CNOT6: variants seen among roughly 807,000 people sequenced by gnomAD.
The protein encoded by CNOT6 is carbon catabolite repression 4 protein.
A neutral mutation model predicts 61.2 loss-of-function variants in CNOT6; 12 were observed. The ratio of observed to expected loss-of-function variants is 0.20; its 90% CI spans 0.13 to 0.32. CNOT6 has a LOEUF of 0.32. Ranked by LOEUF, CNOT6 falls within the 10% of genes least tolerant of loss-of-function variation. CNOT6 has a pLI of 1.00. For missense variants in CNOT6, 405 were observed against 663.9 expected (o/e 0.61, Z 4.28); for synonymous variants, 225 against 240.6 (o/e 0.94, Z 0.60).
At position 180,549,804 on chromosome 5, in the gene CNOT6, C is replaced by T. The variant is rs1759505896; in HGVS notation, c.113-127C>T. The T allele has an allele frequency of 1.1e-5, 7 of 653,528 alleles. No homozygotes were observed. The Admixed American group carries it at 1.9e-4, about 17-fold the overall frequency. The allele number at this position is 653,528 out of a possible 1,614,324, so 40.5% of individuals were successfully genotyped here. On this transcript the variant is annotated intron_variant, in intron 2 of 11. Coordinates refer to ENST00000261951, the MANE Select transcript of CNOT6 (RefSeq NM_001370472.1). ...TAGAATAGGTAAGATTTCCTGTTAA[C>T]CCCTTCTCACAAGTTTTTGGATAAT... is the stretch of plus-strand genomic sequence containing the variant.
chr5:180,576,161 G>C lies in CNOT6; in HGVS notation c.*1961G>C, dbSNP rs1760995427. On this transcript the variant is annotated 3_prime_UTR_variant, in exon 12 of 12. Transcript: ENST00000261951. ...TTTGTTATTGGTTTTTTTTTGTAAA[G>C]TGTGAATAAAAGGTATGTTTACTCA... The C allele has an allele frequency of 6.6e-6, 1 of 152,416 alleles. No individual in the cohort carries two copies. The highest frequency in any genetic ancestry group is 2.4e-5 in the African/African-American group (1 of 41,396). 9.4% of individuals were successfully genotyped at this position (152,416 alleles called of 1,614,324 possible).
At chr5:180,545,063 T>G (rs1469806997) in intron 2 of CNOT6, among the ~76,000 whole-genome samples, 3 of 152,260 alleles carry the variant, frequency 2.0e-5, no homozygotes, top group South Asian at 4.1e-4. Context: ...AATAAAATTT[T>G]GTTCTACAAA....
rs1042940569 is a variant in CNOT6 at position 180,553,475 on chromosome 5, T to A, written c.385+4T>A. The A allele has an allele frequency of 6.2e-7, 1 of 1,607,008 alleles. No homozygotes were observed. Among genetic ancestry groups the A allele is most frequent in the Non-Finnish European group, 8.5e-7 (1 of 1,173,908 alleles). On this transcript the variant is annotated splice_donor_region_variant and intron_variant, in intron 4 of 11. Transcript: ENST00000261951. ...TTGCAGACTTTAGGCCTGAAAGGTA[T>A]GACTTCCATATTTGTACTTCTTATG...
intron 1 of CNOT6, among the ~76,000 whole-genome samples, chr5:180,504,856 A>C (rs1757049086): frequency 6.6e-6 from 1 of 152,106 alleles, no homozygotes. Flanking sequence ...ACTGTTAAAG[A>C]GTTCATAAAT....
chr5:180,529,395 C>CAAG lies in CNOT6; in HGVS notation c.112+8_112+9insAGA. 1 of 1,520,294 alleles carries CAAG rather than the reference C, an allele frequency of 6.6e-7. No individual in the cohort carries two copies. The highest frequency in any genetic ancestry group is 9.1e-7 in the Non-Finnish European group (1 of 1,096,612). The allele number at this position is 1,520,294 out of a possible 1,614,324, so 94.2% of individuals were successfully genotyped here. A position where few individuals can be genotyped will look rare whatever the true frequency, so the allele number is the denominator to read the frequency against. ...GCAGAGCTTGAAATAAGTGGTAAGA[C>CAAG]ATGGAAGCATGAATTTATGGTATGG... is the stretch of plus-strand genomic sequence containing the variant. On this transcript the variant is annotated splice_region_variant and intron_variant, in intron 2 of 11. Transcript: ENST00000261951.
intron 1 of CNOT6, among the ~76,000 whole-genome samples, chr5:180,497,086 C>T (rs1002039687): frequency 4.6e-5 from 7 of 152,126 alleles, no homozygotes; most frequent in South Asian, 2.1e-4. Flanking sequence ...CCAGCACTTT[C>T]GGAGGCCGAG....
intron 1 of CNOT6, among the ~76,000 whole-genome samples, chr5:180,498,710 A>G (rs1756727417): frequency 6.6e-6 from 1 of 152,220 alleles, no homozygotes; most frequent in Non-Finnish European, 1.5e-5. Flanking sequence ...GAGCAAGGCG[A>G]TTTGGAGGTC....
intron 10 of CNOT6, among the ~76,000 whole-genome samples, chr5:180,570,120 G>A (rs1485695783): frequency 6.6e-6 from 1 of 152,122 alleles, no homozygotes; most frequent in Non-Finnish European, 1.5e-5. Flanking sequence ...CACTTTGGGG[G>A]GCCCAGGTGG....
At chr5:180,516,816 C>T (rs143555244) in intron 1 of CNOT6, among the ~76,000 whole-genome samples, 104 of 152,314 alleles carry the variant, frequency 6.8e-4, no homozygotes, top group African/African-American at 2.4e-3. Flanking sequence ...TTGTTGAAGG[C>T]AACAGGCCAG....
intron 1 of CNOT6, among the ~76,000 whole-genome samples, chr5:180,515,469 G>A (rs1757591219): frequency 6.6e-6 from 1 of 152,142 alleles, no homozygotes; most frequent in Non-Finnish European, 1.5e-5. Flanking sequence ...GCTAAGTTGA[G>A]GTAGTAGAGG....
chr5:180,535,619 G>A (rs1237406860), intron 2 of CNOT6, among the ~76,000 whole-genome samples: 1 of 152,178 alleles, frequency 6.6e-6, no homozygotes. Flanking sequence ...TACAATACAC[G>A]AGTGCAGGTT....
chr5:180,498,475 G>A (rs1016145098), intron 1 of CNOT6, among the ~76,000 whole-genome samples: 5 of 152,170 alleles, frequency 3.3e-5, no homozygotes, highest in Admixed American at 2.6e-4. Flanking sequence ...GCCAAACTGG[G>A]GAGAGGGAGT....
rs1756608943 is a variant in CNOT6 at position 180,496,258 on chromosome 5, T to G, written c.-3+1495T>G. On this transcript the variant is annotated intron_variant, in intron 1 of 11. Transcript: ENST00000261951. ...GAGTAAAATTTAGAATAAAAATTGC[T>G]TAATATCTTTAGATCTGTGATCTAC... Among the ~76,000 whole-genome samples the G allele has an allele frequency of 2.0e-5, 3 of 152,164 alleles. No individual in the cohort carries two copies. The South Asian group carries it at 6.2e-4, about 32-fold the overall frequency.
At chr5:180,556,481 C>T (rs1197462085) in intron 4 of CNOT6, among the ~76,000 whole-genome samples, 2 of 152,126 alleles carry the variant, frequency 1.3e-5, no homozygotes, top group Non-Finnish European at 1.5e-5. Flanking sequence ...TTGATCATTC[C>T]ACAATGCATA....
Position 180,577,221 on chromosome 5 carries a change from G to A in CNOT6, c.*3021G>A, listed in dbSNP as rs1761049190. ...TTTAATATGATTTAGTGACAACCAG[G>A]AAAACTTACTTGGGATTATTAGCAC... On this transcript the variant is annotated 3_prime_UTR_variant, in exon 12 of 12. Coordinates refer to ENST00000261951, the MANE Select transcript of CNOT6 (RefSeq NM_001370472.1). The A allele has an allele frequency of 2.0e-5, 3 of 147,454 alleles. No individual in the cohort carries two copies. The South Asian group carries it at 6.5e-4, about 32-fold the overall frequency. 9.1% of individuals were successfully genotyped at this position (147,454 alleles called of 1,614,324 possible).
At chr5:180,555,078 C>T (rs1362670092) in intron 4 of CNOT6, among the ~76,000 whole-genome samples, 1 of 151,574 alleles carries the variant, frequency 6.6e-6, no homozygotes, top group Non-Finnish European at 1.5e-5. Flanking sequence ...ATGATATCGG[C>T]TCACTGCAGC....
intron 2 of CNOT6, among the ~76,000 whole-genome samples, chr5:180,537,499 G>T (rs574458841): frequency 1.9e-4 from 28 of 149,240 alleles, no homozygotes; most frequent in African/African-American, 6.9e-4. Flanking sequence ...AGTTTTAAGA[G>T]TTTTTTTTTT....
chr5:180,555,678 T>C (rs772490002), intron 4 of CNOT6, among the ~76,000 whole-genome samples: 1 of 152,258 alleles, frequency 6.6e-6, no homozygotes, highest in Non-Finnish European at 1.5e-5. Context: ...GCTGCTTTAC[T>C]TCTTAAAGCA....
intron 1 of CNOT6, among the ~76,000 whole-genome samples, chr5:180,501,991 A>T (rs1756887341): frequency 6.6e-6 from 1 of 152,140 alleles, no homozygotes; most frequent in African/African-American, 2.4e-5. Flanking sequence ...GCGGAGGAGC[A>T]AATGGGAGGT....
Sources: allele counts gnomAD v4.1 joint callset (sites outside exome capture counted in the v4.1 genomes callset), GRCh38; gene constraint gnomAD v4.1.1; transcripts MANE v1.5; gene names NCBI Gene and HGNC (gene_info 2026-07-23, HGNC 2026-07-21).